RBFOX1: variants seen among roughly 807,000 people sequenced by gnomAD.
RBFOX1 encodes the protein RNA binding protein fox-1 homolog 1.
A neutral mutation model predicts 57.7 loss-of-function variants in RBFOX1; 8 were observed. The ratio of observed to expected loss-of-function variants is 0.14; its 90% confidence interval spans 0.08 to 0.25. RBFOX1 has a LOEUF of 0.25. Ranked by LOEUF, RBFOX1 falls within the 10% of genes least tolerant of loss-of-function variation. The pLI, the probability that RBFOX1 is intolerant of heterozygous loss-of-function variation, is 1.00. For synonymous variants in RBFOX1, 326 were observed against 222.4 expected, an observed-to-expected ratio of 1.47 and a Z score of -4.15; for missense variants, 611 against 548.5, an observed-to-expected ratio of 1.11 and a Z score of -1.14.
At chr16:7,567,705 A>ATAT (rs1567869687) in intron 5 of RBFOX1, among the ~76,000 whole-genome samples, 1 of 133,224 alleles carries the variant, frequency 7.5e-6, no homozygotes, top group Non-Finnish European at 1.6e-5. Flanking sequence ...CCCTATATAT[A>ATAT]ATCCCTATAT....
chr16:5,676,844 A>AG (rs2050183191), intron 3 of RBFOX1, among the ~76,000 whole-genome samples: 1 of 151,632 alleles, frequency 6.6e-6, no homozygotes, highest in Non-Finnish European at 1.5e-5. Context: ...CCTGGGCAAC[A>AG]GAGCAAGACT....
chr16:7,672,083 G>C (rs1365901294), intron 13 of RBFOX1, among the ~76,000 whole-genome samples: 2 of 152,184 alleles, frequency 1.3e-5, no homozygotes, highest in Non-Finnish European at 2.9e-5. Context: ...TTAAGGGCCA[G>C]CATACCTGAC....
At position 7,588,866 on chromosome 16, in the gene RBFOX1, A is replaced by G. The variant is rs373054173; in HGVS notation, c.468+1566A>G. ...TGATGTTGATCATATCAAGGAAAGAAAACCCCAGTATTTTCTCCTCCATGG... is the reference window on the plus strand; with the variant it reads ...TGATGTTGATCATATCAAGGAAAGAGAACCCCAGTATTTTCTCCTCCATGG... On this transcript the variant is annotated intron_variant, in intron 7 of 15. Coordinates refer to ENST00000550418, the MANE Select transcript of RBFOX1 (RefSeq NM_018723.4). 1.7e-3 allele frequency among the ~76,000 whole-genome samples: 260 copies of G among 152,316 alleles called. 2 individuals are homozygous for G. Among genetic ancestry groups the G allele is most frequent in the African/African-American group, 5.9e-3 (244 of 41,560 alleles).
At chr16:6,981,174 G>C (rs565001097) in intron 3 of RBFOX1, among the ~76,000 whole-genome samples, 7 of 151,470 alleles carry the variant, frequency 4.6e-5, no homozygotes, top group African/African-American at 1.5e-4. Flanking sequence ...GCACAGATAA[G>C]CTTGTGTGAT....
chr16:5,769,667 A>T (rs1226630110), intron 3 of RBFOX1, among the ~76,000 whole-genome samples: 2 of 152,032 alleles, frequency 1.3e-5, no homozygotes, highest in African/African-American at 4.8e-5. Flanking sequence ...AAGGAGGAGA[A>T]ATTTGGACAC....
intron 3 of RBFOX1, among the ~76,000 whole-genome samples, chr16:6,861,298 G>T (rs11646704): frequency 0.16 from 24,432 of 152,048 alleles, 2,576 homozygotes; most frequent in East Asian, 0.3. Flanking sequence ...ACAAAAACAA[G>T]GTCCCTTTCG....
At chr16:6,815,693 G>T (rs2089917217) in intron 3 of RBFOX1, among the ~76,000 whole-genome samples, 1 of 152,118 alleles carries the variant, frequency 6.6e-6, no homozygotes, top group African/African-American at 2.4e-5. Context: ...GACTTGTTCA[G>T]CGACAGAACA....
At chr16:7,017,168 G>A (rs1023521550) in intron 3 of RBFOX1, among the ~76,000 whole-genome samples, 13 of 152,188 alleles carry the variant, frequency 8.5e-5, no homozygotes, top group South Asian at 2.1e-4. Flanking sequence ...ACAGAGTCGC[G>A]GCCAGCAAAT....
intron 3 of RBFOX1, among the ~76,000 whole-genome samples, chr16:6,947,346 A>G (rs901952217): frequency 3.3e-5 from 5 of 152,164 alleles, no homozygotes; most frequent in Non-Finnish European, 7.3e-5. Flanking sequence ...TAACATTATG[A>G]AGACACCTGG....
chr16:7,176,888 A>C (rs1381969739), intron 4 of RBFOX1, among the ~76,000 whole-genome samples: 1 of 152,208 alleles, frequency 6.6e-6, no homozygotes, highest in East Asian at 1.9e-4. Flanking sequence ...GGGGGAGAGG[A>C]AAATTTTTTA....
chr16:7,335,854 C>T (rs895273091), intron 4 of RBFOX1, among the ~76,000 whole-genome samples: 1 of 152,066 alleles, frequency 6.6e-6, no homozygotes, highest in African/African-American at 2.4e-5. Flanking sequence ...TTGTGTGTAG[C>T]CAAATAGAGA....
intron 2 of RBFOX1, among the ~76,000 whole-genome samples, chr16:5,512,214 G>C (rs2043619976): frequency 1.3e-5 from 2 of 152,302 alleles, no homozygotes; most frequent in South Asian, 4.1e-4. Flanking sequence ...TGGGTGAGAG[G>C]CACACAGTGC....
intron 3 of RBFOX1, among the ~76,000 whole-genome samples, chr16:5,766,866 A>G (rs994464649): frequency 6.6e-6 from 1 of 152,148 alleles, no homozygotes; most frequent in Non-Finnish European, 1.5e-5. Flanking sequence ...TTAGCCTTTC[A>G]CTGAGGAGTC....
At chr16:6,870,651 G>A (rs558707113) in intron 3 of RBFOX1, among the ~76,000 whole-genome samples, 13 of 152,278 alleles carry the variant, frequency 8.5e-5, no homozygotes, top group African/African-American at 2.4e-4. Flanking sequence ...CAAAACAAAC[G>A]ATGATGGGAA....
intron 4 of RBFOX1, among the ~76,000 whole-genome samples, chr16:5,989,880 A>ACACACACACACACAAACC (rs33912010): frequency 7.9e-6 from 1 of 127,210 alleles, no homozygotes; most frequent in Non-Finnish European, 1.7e-5. Context: ...ACACACACAC[A>ACACACACACACACAAACC]CCACCCCTGT....
chr16:5,837,319 A>G (rs1363282405), intron 3 of RBFOX1, among the ~76,000 whole-genome samples: 1 of 151,950 alleles, frequency 6.6e-6, no homozygotes, highest in East Asian at 1.9e-4. Context: ...TACAGCCCCA[A>G]GGGTCCTAGA....
intron 5 of RBFOX1, among the ~76,000 whole-genome samples, chr16:7,539,079 G>T (rs1482831596): frequency 6.6e-6 from 1 of 152,120 alleles, no homozygotes; most frequent in Non-Finnish European, 1.5e-5. Context: ...GCCTCAGTCT[G>T]TTGATTAAAA....
intron 3 of RBFOX1, chr16:5,632,692 G>A (rs1020531184): frequency 1.3e-5 from 2 of 152,190 alleles, no homozygotes; most frequent in African/African-American, 4.8e-5. Context: ...TATTGGGAAG[G>A]TTTAATACAG....
chr16:5,925,099 C>G (rs2058914784), intron 4 of RBFOX1, among the ~76,000 whole-genome samples: 1 of 152,164 alleles, frequency 6.6e-6, no homozygotes, highest in Non-Finnish European at 1.5e-5. Context: ...CACACCAACC[C>G]TTGTCTCTCC....
Sources: gnomAD v4.1 joint callset for allele counts (sites outside exome capture counted in the v4.1 genomes callset) on GRCh38, gnomAD v4.1.1 for gene constraint, MANE v1.5 for transcripts, NCBI Gene and HGNC (gene_info 2026-07-23, HGNC 2026-07-21) for gene names.